Variants in HKDC1 observed in about 807,000 individuals in gnomAD.
HKDC1 encodes the protein hexokinase domain containing 1.
Under a neutral mutation model 96.6 loss-of-function variants are expected in HKDC1, and 66 were observed. The observed-to-expected ratio is 0.68, with a 90% CI of 0.56 to 0.84. The LOEUF (loss-of-function observed/expected upper bound fraction) is 0.84, where lower values mean the gene tolerates loss of function less well. Ranked by LOEUF, HKDC1 falls within the 40% of genes least tolerant of loss-of-function variation. HKDC1 has a pLI of 0.00. For missense variants in HKDC1, 1,211 were observed against 1,208.1 expected, an observed-to-expected ratio of 1.00 and a Z score of -0.04; for synonymous variants, 466 against 473.1, an observed-to-expected ratio of 0.98 and a Z score of 0.20.
chr10:69,225,401 T>G (rs777538009), intron 1 of HKDC1, among the ~76,000 whole-genome samples: 1 of 152,182 alleles, frequency 6.6e-6, no homozygotes, highest in East Asian at 1.9e-4. Context: ...GCCAACCAAT[T>G]AGTCATAAAC....
rs549295919 is a variant in HKDC1 at position 69,251,557 on chromosome 10, C to T, written c.1836+905C>T. Among the ~76,000 whole-genome samples, 95 of 152,230 alleles carry T rather than the reference C, an allele frequency of 6.2e-4. 1 individual carries two copies. Among genetic ancestry groups the T allele is most frequent in the Admixed American group, 1.1e-3 (17 of 15,286 alleles). On this transcript the variant is annotated intron_variant, in intron 12 of 17. Coordinates refer to ENST00000354624, the MANE Select transcript of HKDC1 (RefSeq NM_025130.4). The stretch of plus-strand genomic sequence containing the variant: ...AGATTTTCATAGGAATTGAGTTGAA[C>T]CTATATATTAATTTGGGGAGTTTGC...
chr10:69,233,254 C>A, intron 4 of HKDC1, 121 bp downstream of exon 4: 2 of 1,395,676 alleles, frequency 1.4e-6, no homozygotes, highest in Non-Finnish European at 1.9e-6. Context: ...TTTTTCTTTT[C>A]TTTTTGTTCA....
intron 15 of HKDC1, among the ~76,000 whole-genome samples, chr10:69,259,838 GGA>G (rs982327974): frequency 6.6e-6 from 1 of 152,132 alleles, no homozygotes; most frequent in Non-Finnish European, 1.5e-5. Context: ...ACAACAGGGG[GGA>G]AATCCACCCC....
At position 69,265,792 on chromosome 10, in the gene HKDC1, C is replaced by T. The variant is rs149416353; in HGVS notation, c.2580C>T (p.Asp860=). The T allele has an allele frequency of 2.4e-5, 38 of 1,610,014 alleles. No homozygotes were observed. The highest frequency in any genetic ancestry group is 2.3e-4 in the African/African-American group (17 of 74,744). ...ACCTGAGGATCACTGTGGGTGTGGA[C>T]GGCACCCTGTACAAGCTGCACCCTC... ...LEHLRITVGV[D]GTLYKLHPHF... is the part of the protein sequence containing the mutation. Residue 860 remains aspartate, a synonymous_variant, in exon 17 of 18, where the codon GAC becomes GAT. Coordinates refer to ENST00000354624, the MANE Select transcript of HKDC1 (RefSeq NM_025130.4).
intron 7 of HKDC1, among the ~76,000 whole-genome samples, chr10:69,244,527 C>A (rs149360737): frequency 3.3e-5 from 5 of 152,278 alleles, no homozygotes; most frequent in South Asian, 2.1e-4. Flanking sequence ...AAAATAAATT[C>A]TATTCCTTCC....
intron 1 of HKDC1, among the ~76,000 whole-genome samples, chr10:69,223,835 G>A (rs7917667): frequency 4.0e-5 from 6 of 150,058 alleles, no homozygotes; most frequent in Admixed American, 1.3e-4. Flanking sequence ...CGCCCGCCTC[G>A]GCCTCCCAAA....
At chr10:69,265,470 T>G in intron 16 of HKDC1, 115 bp from the exon 17 acceptor site, 2 of 878,142 alleles carry the variant, frequency 2.3e-6, no homozygotes, top group Non-Finnish European at 3.6e-6. Flanking sequence ...ATTGCCTGGG[T>G]CAATTTCTCC....
chr10:69,228,778 A>C (rs2002012), intron 2 of HKDC1, among the ~76,000 whole-genome samples: 9,714 of 152,194 alleles, frequency 0.064, 1,075 homozygotes, highest in African/African-American at 0.22. Flanking sequence ...AGGCAGGAGA[A>C]TCACTTGAAC....
At chr10:69,243,760 G>A (rs555201154) in intron 7 of HKDC1, among the ~76,000 whole-genome samples, 3 of 152,270 alleles carry the variant, frequency 2.0e-5, no homozygotes, top group African/African-American at 7.2e-5. Flanking sequence ...GCCTCCCAAA[G>A]TGCTGGGATT....
rs373466797 is a variant in HKDC1 at position 69,257,298 on chromosome 10, G to GT, written c.1933-21dup. 1.8e-4 allele frequency: 285 copies of GT among 1,588,112 alleles called. 5 individuals carry two copies. The highest frequency in any genetic ancestry group is 1.7e-3 in the African/African-American group (124 of 74,388). ...CACATTCAACTCATAGTAAAGCTGG[G>GT]TTTTTTTTGTTTTTGTTTTTGTTTT... On this transcript the variant is annotated intron_variant, in intron 13 of 17. Coordinates refer to ENST00000354624, the MANE Select transcript of HKDC1 (RefSeq NM_025130.4).
At chr10:69,266,463 TAA>T (rs35672201) in intron 17 of HKDC1, 145 bp from the exon 18 acceptor site, 139 of 547,976 alleles carry the variant, frequency 2.5e-4, no homozygotes, top group East Asian at 3.2e-4. Context: ...AGACCATGTC[TAA>T]AAAAAAAAAA....
At position 69,258,916 on chromosome 10, in the gene HKDC1, G is replaced by A. The variant is rs1201295597; in HGVS notation, c.2173G>A (p.Asp725Asn). Residue 725 changes from aspartate to asparagine, a missense_variant, in exon 15 of 18, where the codon GAC (aspartate) becomes AAC (asparagine). Coordinates refer to ENST00000354624, the MANE Select transcript of HKDC1 (RefSeq NM_025130.4). ...GCIDDIWTRY[D>N]TEVDEGSLNP... ...CATAGATGACATCTGGACCCGATAC[G>A]ACACGGAGGTGGATGAGGGGTCCTT... 2.3e-5 allele frequency: 37 copies of A among 1,601,624 alleles called. No individual in the cohort carries two copies. Among genetic ancestry groups the A allele is most frequent in the East Asian group, 4.5e-5 (2 of 44,700 alleles).
Position 69,261,176 on chromosome 10 carries a change from A to G in HKDC1, c.2254A>G (p.Ile752Val), listed in dbSNP as rs148886636. The G allele has an allele frequency of 7.6e-4, 1,226 of 1,613,816 alleles. 1 individual carries two copies. The highest frequency in any genetic ancestry group is 9.0e-4 in the Non-Finnish European group (1,058 of 1,179,944). Residue 752 changes from isoleucine to valine, a missense_variant, in exon 16 of 18, where the codon ATT becomes GTT. Transcript: ENST00000354624. ...KMTSGMYLGE[I>V]VRQILIDLTK... ...GACCAGTGGGATGTACTTGGGGGAG[A>G]TTGTGCGGCAGATCCTGATCGACCT...
At chr10:69,240,942 C>T (rs1001347065) in intron 6 of HKDC1, among the ~76,000 whole-genome samples, 191 bp downstream of exon 6, 3 of 152,182 alleles carry the variant, frequency 2.0e-5, no homozygotes, top group Admixed American at 6.5e-5. Flanking sequence ...TGTGCCGGCC[C>T]CTGGGCTTGG....
intron 13 of HKDC1, 48 bp from the exon 14 acceptor site, chr10:69,257,279 C>T: frequency 6.4e-7 from 1 of 1,551,992 alleles, no homozygotes; most frequent in Non-Finnish European, 8.9e-7. Context: ...CTTGCACATT[C>T]AACTCATAGT....
In HKDC1 at chr10:69,239,128, A is replaced by C; in HGVS notation, c.582A>C (p.Arg194Ser). 6.2e-7 allele frequency: 1 copy of C among 1,613,500 alleles called. No homozygotes were observed. The highest frequency in any genetic ancestry group is 8.5e-7 in the Non-Finnish European group (1 of 1,179,490). Residue 194 changes from arginine (R) to serine (S), a missense_variant, in exon 5 of 18, where the codon AGA becomes AGC. Coordinates refer to ENST00000354624, the MANE Select transcript of HKDC1 (RefSeq NM_025130.4). ...DVVSRLTKAM[R>S]RHKDMDVDIL... Reference sequence around the variant, plus strand: ...TGAGCCGTCTGACCAAAGCCATGAGAAGACACAAGGTGAGGAATTCACCTC... The same window carrying C: ...TGAGCCGTCTGACCAAAGCCATGAGCAGACACAAGGTGAGGAATTCACCTC...
intron 15 of HKDC1, among the ~76,000 whole-genome samples, chr10:69,259,844 C>A (rs1267066354): frequency 6.6e-6 from 1 of 152,146 alleles, no homozygotes; most frequent in Non-Finnish European, 1.5e-5. Flanking sequence ...GGGGGGAAAT[C>A]CACCCCCATG....
chr10:69,224,085 G>A lies in HKDC1; in HGVS notation c.64-3122G>A, dbSNP rs374905287. 6.6e-5 allele frequency among the ~76,000 whole-genome samples: 10 copies of A among 150,682 alleles called. No individual in the cohort carries two copies. In the East Asian group the frequency reaches 1.0e-3, roughly 15 times the overall value. ...TAGCTGGGCATGGTGGCACATGCCT[G>A]TAGTCCCAGGTACTTGGGAGGCTGA... On this transcript the variant is annotated intron_variant, in intron 1 of 17. Coordinates refer to ENST00000354624, the MANE Select transcript of HKDC1 (RefSeq NM_025130.4).
At chr10:69,233,704 C>T (rs1843312804) in intron 4 of HKDC1, among the ~76,000 whole-genome samples, 1 of 151,706 alleles carries the variant, frequency 6.6e-6, no homozygotes, top group Admixed American at 6.6e-5. Flanking sequence ...CGAGACCATC[C>T]TGGCTAACAT....
Sources: gnomAD v4.1 joint callset for allele counts (sites outside exome capture counted in the v4.1 genomes callset) on GRCh38, gnomAD v4.1.1 for gene constraint, MANE v1.5 for transcripts, NCBI Gene and HGNC (gene_info 2026-07-23, HGNC 2026-07-21) for gene names.